The following ADRA1B variants were observed in gnomAD, a reference collection of about 807,000 sequenced individuals.
ADRA1B encodes the protein adrenoceptor alpha 1B.
In ADRA1B, 17 loss-of-function variants were observed where a neutral mutation model predicts 17.9. The observed-to-expected ratio is 0.95, with a 90% CI of 0.65 to 1.42. The LOEUF is 1.42. ADRA1B is among the 40% of genes most tolerant of loss of function. The probability of loss-of-function intolerance (pLI) is 0.00; values close to 1 mark genes in which losing one functional copy is unlikely to be tolerated. For missense variants in ADRA1B, 681 were observed against 722.1 expected, an observed-to-expected ratio of 0.94 and a Z score of 0.65; for synonymous variants, 366 against 327.6, an observed-to-expected ratio of 1.12 and a Z score of -1.27.
At chr5:159,876,227 T>C (rs550790113) in intron 1 of ADRA1B, among the ~76,000 whole-genome samples, 1 of 152,262 alleles carries the variant, frequency 6.6e-6, no homozygotes, top group East Asian at 1.9e-4. Flanking sequence ...CTTTTATTAC[T>C]TCATTTTAAA....
chr5:159,952,265 A>G (rs1755458402), intron 1 of ADRA1B, among the ~76,000 whole-genome samples: 1 of 152,258 alleles, frequency 6.6e-6, no homozygotes, highest in Non-Finnish European at 1.5e-5. Flanking sequence ...CATATCTACA[A>G]TAAAGCTTAA....
the ADRA1B span, among the ~76,000 whole-genome samples, chr5:159,981,346 C>T: frequency 2.0e-5 from 3 of 151,792 alleles, no homozygotes; most frequent in Non-Finnish European, 2.9e-5. Context: ...AAAATTGTCT[C>T]CAGCCAAATG....
chr5:159,972,201 C>T lies in ADRA1B; in HGVS notation c.1272C>T (p.Ala424=). ...LSGSQRTLPS[A]SPSPGYLGRG... ...GCAGCCAGCGGACCCTGCCCTCGGCCTCGCCGAGCCCGGGCTACCTGGGCC... is the reference window on the plus strand; with the variant it reads ...GCAGCCAGCGGACCCTGCCCTCGGCTTCGCCGAGCCCGGGCTACCTGGGCC... Residue 424 remains alanine, a synonymous_variant, in exon 2 of 2, where the codon GCC becomes GCT. Transcript: ENST00000306675. The T allele has an allele frequency of 1.5e-6, 2 of 1,362,908 alleles. No homozygotes were observed. Among genetic ancestry groups the T allele is most frequent in the South Asian group, 3.3e-5 (2 of 60,946 alleles). 84.4% of individuals were successfully genotyped at this position (1,362,908 alleles called of 1,614,324 possible). A position where few individuals can be genotyped will look rare whatever the true frequency, so the allele number is the denominator to read the frequency against.
intron 1 of ADRA1B, among the ~76,000 whole-genome samples, chr5:159,942,500 C>T (rs1267150853): frequency 6.6e-6 from 1 of 152,134 alleles, no homozygotes; most frequent in Non-Finnish European, 1.5e-5. Context: ...TGAATTAGAT[C>T]TGGATACTAA....
chr5:159,948,500 G>T lies in ADRA1B; in HGVS notation c.950-23379G>T, dbSNP rs557812830. ...TGGGTTAGTTAACGTTTTATTACAA[G>T]AAGTTATATGCGTGTTTTCATTGTA... On this transcript the variant is annotated intron_variant, in intron 1 of 1. Coordinates refer to ENST00000306675, the MANE Select transcript of ADRA1B (RefSeq NM_000679.4). 1.5e-5 allele frequency: 15 copies of T among 974,932 alleles called. No homozygotes were observed. In the South Asian group the frequency reaches 5.2e-4, roughly 34 times the overall value. The allele number at this position is 974,932 out of a possible 1,614,324, so 60.4% of individuals were successfully genotyped here.
chr5:159,936,940 CGGGTCTTCAAGT>C (rs950698661), intron 1 of ADRA1B, among the ~76,000 whole-genome samples: 1 of 152,102 alleles, frequency 6.6e-6, no homozygotes, highest in Non-Finnish European at 1.5e-5. Flanking sequence ...CCTTATCCAG[CGGGTCTTCAAGT>C]GGGGTCCTCA....
chr5:159,973,876 G>A (rs1188825545), downstream of ADRA1B, among the ~76,000 whole-genome samples: 2 of 152,058 alleles, frequency 1.3e-5, no homozygotes, highest in African/African-American at 4.8e-5. Context: ...AGAGAATAAA[G>A]GACACTGAGC....
chr5:159,922,209 C>CT (rs1056697503), intron 1 of ADRA1B, among the ~76,000 whole-genome samples: 2 of 152,214 alleles, frequency 1.3e-5, no homozygotes, highest in African/African-American at 4.8e-5. Context: ...AGACATTCTG[C>CT]TAGGCCTCCT....
rs1291189604 is a variant in ADRA1B, at chr5:159,904,967, A to C, written c.-255-11152A>C. Among the ~76,000 whole-genome samples the C allele has an allele frequency of 3.9e-5, 6 of 152,234 alleles. No homozygotes were observed. In the East Asian group the frequency reaches 1.2e-3, roughly 29 times the overall value. On this transcript the variant is annotated intron_variant, in intron 1 of 2. Coordinates refer to the ADRA1B transcript ENST00000641205. Reference sequence around the variant, plus strand: ...TCATTGGAGCACACAGCTTTAGTTAAGAAAGTGATGATCTTAGTTAAAACT... The same window carrying C: ...TCATTGGAGCACACAGCTTTAGTTACGAAAGTGATGATCTTAGTTAAAACT...
Position 159,956,520 on chromosome 5 carries a change from C to G in ADRA1B, c.950-15359C>G, listed in dbSNP as rs151100557. Reference sequence around the variant, plus strand: ...CATCATCCCATTGTTGACAGCTTACCATTTTAATAAATGTATGGTTTTTCA... The same window carrying G: ...CATCATCCCATTGTTGACAGCTTACGATTTTAATAAATGTATGGTTTTTCA... On this transcript the variant is annotated intron_variant, in intron 1 of 1. Transcript: ENST00000306675. 1.5e-4 allele frequency among the ~76,000 whole-genome samples: 23 copies of G among 152,228 alleles called. No individual in the cohort carries two copies. The East Asian group carries it at 4.4e-3, about 29-fold the overall frequency.
intron 1 of ADRA1B, among the ~76,000 whole-genome samples, chr5:159,949,567 T>G (rs1010882870): frequency 6.6e-6 from 1 of 152,202 alleles, no homozygotes; most frequent in East Asian, 1.9e-4. Flanking sequence ...ACTAATACAC[T>G]CATTCTTCAA....
At chr5:159,912,613 A>T (rs141306804), upstream of ADRA1B, among the ~76,000 whole-genome samples, 11 of 152,288 alleles carry the variant, frequency 7.2e-5, no homozygotes, top group East Asian at 2.1e-3. Context: ...TTTTAATCTC[A>T]GTCTGGTGCA....
chr5:159,984,466 G>C, the ADRA1B span, among the ~76,000 whole-genome samples: 1 of 152,044 alleles, frequency 6.6e-6, no homozygotes, highest in East Asian at 1.9e-4. Context: ...CATCTATTTT[G>C]CACCACCTCC....
chr5:159,948,570 C>A, intron 1 of ADRA1B: 2 of 688,052 alleles, frequency 2.9e-6, no homozygotes, highest in Non-Finnish European at 1.8e-6. Context: ...TAGTAAAAAG[C>A]CACCCCTTAA....
At chr5:159,987,465 G>C in the ADRA1B span, among the ~76,000 whole-genome samples, 1 of 152,164 alleles carries the variant, frequency 6.6e-6, no homozygotes, top group Non-Finnish European at 1.5e-5. Context: ...AGACACTGCA[G>C]TGACCGAGCC....
chr5:159,892,809 G>A (rs1360617314), intron 1 of ADRA1B, among the ~76,000 whole-genome samples: 2 of 152,206 alleles, frequency 1.3e-5, no homozygotes, highest in Admixed American at 6.5e-5. Flanking sequence ...ATGCATGTAT[G>A]TTTATAATAG....
upstream of ADRA1B, among the ~76,000 whole-genome samples, chr5:159,915,335 T>C (rs1176777108): frequency 6.6e-6 from 1 of 152,034 alleles, no homozygotes; most frequent in Non-Finnish European, 1.5e-5. Flanking sequence ...TGGTGAAGAG[T>C]GTATTCTTTC....
downstream of ADRA1B, among the ~76,000 whole-genome samples, chr5:159,974,773 G>A (rs187630153): frequency 1.1e-3 from 168 of 152,098 alleles, 2 homozygotes; most frequent in Admixed American, 9.9e-3. Context: ...TTTAGATGCC[G>A]TACCCTTGTG....
At chr5:159,885,724 A>G (rs1202139756) in intron 1 of ADRA1B, among the ~76,000 whole-genome samples, 1 of 152,200 alleles carries the variant, frequency 6.6e-6, no homozygotes, top group African/African-American at 2.4e-5. Flanking sequence ...CTTTCTAAAT[A>G]AAGCTATTAC....
Sources: allele counts gnomAD v4.1 joint callset (sites outside exome capture counted in the v4.1 genomes callset), GRCh38; gene constraint gnomAD v4.1.1; transcripts MANE v1.5; gene names NCBI Gene and HGNC (gene_info 2026-07-23, HGNC 2026-07-21).